Variants in HDAC4 observed in about 807,000 individuals in gnomAD.
HDAC4 encodes the protein histone deacetylase A.
In HDAC4, 16 loss-of-function variants were observed where a neutral mutation model predicts 135.1. The observed-to-expected ratio is 0.12, with a 90% confidence interval of 0.08 to 0.18. The LOEUF is 0.18. Among genes scored for constraint, HDAC4 ranks in the 10% least tolerant of loss-of-function variants. The pLI is 1.00. For synonymous variants in HDAC4, 685 were observed against 653.4 expected (o/e 1.05, Z -0.74); for missense variants, 1,143 against 1,511.8 (o/e 0.76, Z 4.05).
chr2:239,081,870 A>T (rs986729001), intron 21 of HDAC4, among the ~76,000 whole-genome samples: 1 of 152,208 alleles, frequency 6.6e-6, no homozygotes, highest in Non-Finnish European at 1.5e-5. Flanking sequence ...CCTGGATGGG[A>T]ACCAGAAACA....
rs1696945276 is a variant in HDAC4, at chr2:239,400,895, T to G, written c.-220+83A>C. ...CGCGGGCGGGTGCGCGGGCTCGGGC[T>G]CGGGCTCGGGCGGCGGCGGGGACGG... On this transcript the variant is annotated intron_variant, in intron 1 of 26. Transcript: ENST00000543185. The surrounding 1 kb of genome is among the most constrained non-coding windows in gnomAD (Gnocchi z 4.7). The G allele has an allele frequency of 6.9e-6, 1 of 145,486 alleles. No homozygotes were observed. Among genetic ancestry groups the G allele is most frequent in the Non-Finnish European group, 1.5e-5 (1 of 65,542 alleles). 9.0% of individuals were successfully genotyped at this position (145,486 alleles called of 1,614,324 possible).
intron 6 of HDAC4, among the ~76,000 whole-genome samples, chr2:239,161,263 T>C (rs2042774380): frequency 6.6e-6 from 1 of 152,228 alleles, no homozygotes. Flanking sequence ...TTCTTAATGG[T>C]GCCTTTGAAA....
intron 1 of HDAC4, among the ~76,000 whole-genome samples, chr2:239,387,811 C>T (rs937565362): frequency 6.6e-6 from 1 of 152,128 alleles, no homozygotes; most frequent in South Asian, 2.1e-4. Flanking sequence ...AACAAGAGTG[C>T]GCCCCTGGAG....
At chr2:239,373,323 A>G (rs1442090704) in intron 1 of HDAC4, among the ~76,000 whole-genome samples, 1 of 152,094 alleles carries the variant, frequency 6.6e-6, no homozygotes, top group Non-Finnish European at 1.5e-5. Flanking sequence ...TTTTCTGGGC[A>G]TCTCCCTGGG....
At chr2:239,401,166 A>G (rs1041223240), upstream of HDAC4, among the ~76,000 whole-genome samples, 3 of 151,204 alleles carry the variant, frequency 2.0e-5, no homozygotes, top group African/African-American at 7.3e-5. Context: ...AGAGCTCGTC[A>G]ATTACGGCTC....
At chr2:239,054,678 C>T (rs2031504704) in intron 25 of HDAC4, 71 bp downstream of exon 25, 4 of 961,938 alleles carry the variant, frequency 4.2e-6, no homozygotes, top group Non-Finnish European at 6.8e-6. Context: ...TATAGGGGGA[C>T]AGGGATGGGG....
intron 7 of HDAC4, among the ~76,000 whole-genome samples, chr2:239,150,834 C>A (rs905531057): frequency 2.0e-5 from 3 of 149,094 alleles, no homozygotes; most frequent in African/African-American, 5.0e-5. Context: ...TATACCACAC[C>A]TTCACATACA....
chr2:239,069,956 A>G (rs1350116527), intron 22 of HDAC4, among the ~76,000 whole-genome samples: 1 of 151,630 alleles, frequency 6.6e-6, no homozygotes, highest in Non-Finnish European at 1.5e-5. Context: ...TCCCACTAAC[A>G]CCCCTCCTTG....
Position 239,130,457 on chromosome 2 carries a change from CTTAA to C in HDAC4, c.1295-3767_1295-3764del, listed in dbSNP as rs1226965328. 3.2e-4 allele frequency among the ~76,000 whole-genome samples: 49 copies of C among 152,306 alleles called. No homozygotes were observed. In the East Asian group the frequency reaches 4.8e-3, roughly 15 times the overall value. ...TGCCAGCTCAGGAAGGCTACGTAGC[CTTAA>C]GACGCTGGTGGCATGCTCTGTTTCA... On this transcript the variant is annotated intron_variant, in intron 11 of 26. Transcript: ENST00000543185.
intron 1 of HDAC4, among the ~76,000 whole-genome samples, chr2:239,375,297 G>C (rs1202192950): frequency 6.6e-6 from 1 of 152,096 alleles, no homozygotes; most frequent in African/African-American, 2.4e-5. Context: ...TGTCCTGCAG[G>C]CCTGCGGACT....
At chr2:239,284,780 G>A (rs139682680) in intron 2 of HDAC4, among the ~76,000 whole-genome samples, 15 of 152,290 alleles carry the variant, frequency 9.8e-5, no homozygotes, top group African/African-American at 1.4e-4. Flanking sequence ...CCAGTGTCCC[G>A]GTTCAAAAGT....
At chr2:239,152,748 C>G (rs999805728) in intron 7 of HDAC4, among the ~76,000 whole-genome samples, 4 of 152,168 alleles carry the variant, frequency 2.6e-5, no homozygotes, top group Non-Finnish European at 5.9e-5. Context: ...CTGCTGGTTT[C>G]TACCTGAACT....
At chr2:239,391,316 G>A (rs1040045555) in intron 1 of HDAC4, among the ~76,000 whole-genome samples, 6 of 152,200 alleles carry the variant, frequency 3.9e-5, no homozygotes, top group Admixed American at 2.6e-4. Context: ...AAAGGCAGAC[G>A]AGAGCTTGTT....
chr2:239,325,731 G>A (rs192651784), intron 2 of HDAC4, among the ~76,000 whole-genome samples: 6 of 152,184 alleles, frequency 3.9e-5, no homozygotes, highest in South Asian at 2.1e-4. Context: ...TTGGGAGGCC[G>A]AGACGGGTGG....
chr2:239,387,016 CGT>C, intron 1 of HDAC4, among the ~76,000 whole-genome samples: 1 of 152,356 alleles, frequency 6.6e-6, no homozygotes, highest in African/African-American at 2.4e-5. Context: ...TGCGTGAGCA[CGT>C]GTGTGCAGAT....
Position 239,216,878 on chromosome 2 carries a change from G to A in HDAC4, c.94+19715C>T, listed in dbSNP as rs185374114. ...AAGTCAGAATGTGCACAGGAAGGAA[G>A]CTCTGACTAAGCTACCTCGAACTAT... On this transcript the variant is annotated intron_variant, in intron 3 of 26. Coordinates refer to ENST00000543185, the MANE Select transcript of HDAC4 (RefSeq NM_001378414.1). 2.1e-3 allele frequency among the ~76,000 whole-genome samples: 313 copies of A among 152,348 alleles called. 2 individuals carry two copies. The highest frequency in any genetic ancestry group is 0.01 in the Middle Eastern group (3 of 294).
At position 239,177,318 on chromosome 2, in the gene HDAC4, G is replaced by A. The variant is rs144620783; in HGVS notation, c.340-755C>T. Among the ~76,000 whole-genome samples, 294 of 152,348 alleles carry A rather than the reference G, an allele frequency of 1.9e-3. 4 individuals are homozygous for A. Among genetic ancestry groups the A allele is most frequent in the African/African-American group, 6.5e-3 (269 of 41,562 alleles). ...CCACCACAGCCTGGTGTGGAAATACGGGTGGTTGGCCCTCAGTGTCTCCAG... is the reference window on the plus strand; with the variant it reads ...CCACCACAGCCTGGTGTGGAAATACAGGTGGTTGGCCCTCAGTGTCTCCAG... On this transcript the variant is annotated intron_variant, in intron 4 of 26. Coordinates refer to ENST00000543185, the MANE Select transcript of HDAC4 (RefSeq NM_001378414.1).
At chr2:239,122,658 C>T (rs952257653) in intron 12 of HDAC4, among the ~76,000 whole-genome samples, 4 of 152,254 alleles carry the variant, frequency 2.6e-5, no homozygotes, top group African/African-American at 9.6e-5. Context: ...GGAGTTTTCT[C>T]AGCCAAAAGG....
chr2:239,103,035 G>T, intron 15 of HDAC4, 139 bp from the exon 16 acceptor site: 1 of 1,002,254 alleles, frequency 1.0e-6, no homozygotes, highest in Non-Finnish European at 1.5e-6. Flanking sequence ...TTTGGTTACT[G>T]CAAAAGAAGA....
Sources: gnomAD v4.1 joint callset for allele counts (sites outside exome capture counted in the v4.1 genomes callset) on GRCh38, gnomAD v4.1.1 for gene constraint, Gnocchi (gnomAD v3.1) non-coding constraint, MANE v1.5 for transcripts, NCBI Gene and HGNC (gene_info 2026-07-23, HGNC 2026-07-21) for gene names.